The following COL19A1 variants were observed in gnomAD, a reference collection of about 807,000 sequenced individuals.
COL19A1 encodes the protein collagen type XIX alpha 1 chain.
COL19A1 carries 159 observed loss-of-function variants against 190.2 expected under a neutral mutation model. That is an observed-to-expected ratio of 0.84 (90% CI 0.73 to 0.95). COL19A1 has a LOEUF of 0.95. Among genes scored for constraint, COL19A1 ranks in the 40% least tolerant of loss-of-function variants. The pLI is 0.00. For synonymous variants in COL19A1, 509 were observed against 458.9 expected (o/e 1.11, Z -1.39); for missense variants, 1,418 against 1,431.9 (o/e 0.99, Z 0.16).
At chr6:70,177,103 T>G (rs1765862109) in intron 42 of COL19A1, among the ~76,000 whole-genome samples, 1 of 152,176 alleles carries the variant, frequency 6.6e-6, no homozygotes, top group African/African-American at 2.4e-5. Context: ...CATCAAGGCC[T>G]TTTCAAATGA....
chr6:70,103,664 C>T (rs1783775468), intron 16 of COL19A1, among the ~76,000 whole-genome samples: 2 of 152,170 alleles, frequency 1.3e-5, no homozygotes, highest in African/African-American at 2.4e-5. Flanking sequence ...ATATGCTTCT[C>T]TCTATCTTCA....
intron 44 of COL19A1, among the ~76,000 whole-genome samples, chr6:70,181,681 A>T (rs1766186789): frequency 6.6e-6 from 1 of 151,676 alleles, no homozygotes; most frequent in Admixed American, 6.6e-5. Context: ...ACACACACAC[A>T]GAGTTTCAAG....
intron 12 of COL19A1, among the ~76,000 whole-genome samples, chr6:70,029,770 T>C (rs1778934552): frequency 6.6e-6 from 1 of 152,334 alleles, no homozygotes; most frequent in Non-Finnish European, 1.5e-5. Context: ...CTCAATTGCA[T>C]TTTATCCTAT....
chr6:70,022,060 C>A (rs1458932172), intron 11 of COL19A1, among the ~76,000 whole-genome samples: 2 of 152,130 alleles, frequency 1.3e-5, no homozygotes, highest in Non-Finnish European at 2.9e-5. Flanking sequence ...TATCCTTAGG[C>A]AATTGAGAGT....
intron 12 of COL19A1, among the ~76,000 whole-genome samples, chr6:70,027,557 C>CTGTGTG (rs10585617): frequency 6.7e-5 from 10 of 150,354 alleles, no homozygotes; most frequent in South Asian, 2.1e-4. Flanking sequence ...TGTATCTTAA[C>CTGTGTG]TGTGTGTGTG....
intron 34 of COL19A1, among the ~76,000 whole-genome samples, chr6:70,161,388 G>C (rs958900726): frequency 2.0e-5 from 3 of 152,122 alleles, no homozygotes; most frequent in African/African-American, 2.4e-5. Context: ...TATAAAATAA[G>C]AAATGCTCTA....
intron 14 of COL19A1, among the ~76,000 whole-genome samples, chr6:70,056,073 T>C (rs1469266949): frequency 6.6e-6 from 1 of 152,124 alleles, no homozygotes; most frequent in Non-Finnish European, 1.5e-5. Context: ...CTACCTTTAT[T>C]TTTTTCTCTG....
chr6:70,172,281 G>A (rs1245231884), intron 41 of COL19A1, among the ~76,000 whole-genome samples: 17 of 152,164 alleles, frequency 1.1e-4, no homozygotes, highest in Non-Finnish European at 1.2e-4. Flanking sequence ...TGCTGACGGG[G>A]TAGGAGGGCA....
At chr6:69,881,128 T>A (rs1276656576) in intron 2 of COL19A1, among the ~76,000 whole-genome samples, 1 of 152,194 alleles carries the variant, frequency 6.6e-6, no homozygotes, top group East Asian at 1.9e-4. Context: ...CATATTCCCA[T>A]TTTGCAGGTC....
rs567947636 is a variant in COL19A1, at chr6:69,954,783, A to G, written c.937-5213A>G. 6.6e-5 allele frequency among the ~76,000 whole-genome samples: 10 copies of G among 152,144 alleles called. No individual in the cohort carries two copies. In the East Asian group the frequency reaches 1.9e-3, roughly 29 times the overall value. ...TTGTTAGGGTGTGTTCCTTCTCCAT[A>G]TCTTCATAACCATTTACTTCAGGGC... On this transcript the variant is annotated intron_variant, in intron 9 of 50. Transcript: ENST00000620364.
intron 16 of COL19A1, among the ~76,000 whole-genome samples, chr6:70,106,415 T>G (rs1303100885): frequency 6.6e-6 from 1 of 151,708 alleles, no homozygotes; most frequent in Non-Finnish European, 1.5e-5. Context: ...GAAAAAAGAT[T>G]TCTAATAATG....
At chr6:70,093,561 G>T (rs3806022) in intron 15 of COL19A1, among the ~76,000 whole-genome samples, 4 of 151,568 alleles carry the variant, frequency 2.6e-5, no homozygotes, top group African/African-American at 9.7e-5. Context: ...CAGAAATCAG[G>T]CAAGCAGAGG....
rs1445887650 is a variant in COL19A1 at position 70,184,922 on chromosome 6, A to G, written c.2856+7A>G. On this transcript the variant is annotated splice_region_variant and intron_variant, in intron 46 of 50. Coordinates refer to ENST00000620364, the MANE Select transcript of COL19A1 (RefSeq NM_001858.6). The stretch of plus-strand genomic sequence containing the variant: ...AGGCCCCAAAGGAGAACGTGTATGT[A>G]TATTACTATTGTGATTGTTATTCAA... The G allele has an allele frequency of 1.9e-6, 3 of 1,610,312 alleles. No individual in the cohort carries two copies. The highest frequency in any genetic ancestry group is 1.7e-5 in the Admixed American group (1 of 59,132).
intron 14 of COL19A1, 128 bp downstream of exon 14, chr6:70,036,067 A>G: frequency 1.2e-6 from 1 of 816,442 alleles, no homozygotes; most frequent in Admixed American, 2.3e-5. Context: ...GAGTACATGT[A>G]GTCAAACCTC....
intron 9 of COL19A1, among the ~76,000 whole-genome samples, chr6:69,945,520 AAT>A (rs1407150513): frequency 6.6e-6 from 1 of 152,168 alleles, no homozygotes; most frequent in Non-Finnish European, 1.5e-5. Flanking sequence ...AATTTTTAAA[AAT>A]AAGGATACCT....
intron 36 of COL19A1, among the ~76,000 whole-genome samples, chr6:70,165,089 C>T (rs1473898332): frequency 6.6e-6 from 1 of 152,074 alleles, no homozygotes; most frequent in Non-Finnish European, 1.5e-5. Flanking sequence ...CATGTCTTGC[C>T]ATTTCCCCTG....
At chr6:69,938,894 A>T (rs770348945) in intron 9 of COL19A1, among the ~76,000 whole-genome samples, 22 of 152,058 alleles carry the variant, frequency 1.4e-4, no homozygotes, top group African/African-American at 5.3e-4. Flanking sequence ...TTAGAAGTTG[A>T]TTCTGTTTTT....
At chr6:70,141,738 CAT>C (rs1371062822) in intron 20 of COL19A1, among the ~76,000 whole-genome samples, 153 bp from the exon 21 acceptor site, 6 of 152,028 alleles carry the variant, frequency 3.9e-5, no homozygotes, top group African/African-American at 1.4e-4. Context: ...TATTTTGAAT[CAT>C]GTTTTAGAAT....
intron 12 of COL19A1, among the ~76,000 whole-genome samples, chr6:70,033,978 C>A (rs1779209666): frequency 6.6e-6 from 1 of 152,070 alleles, no homozygotes; most frequent in African/African-American, 2.4e-5. Flanking sequence ...GATATTCTCC[C>A]AGATGGTGAA....
Sources: gnomAD v4.1 joint callset for allele counts (sites outside exome capture counted in the v4.1 genomes callset) on GRCh38, gnomAD v4.1.1 for gene constraint, MANE v1.5 for transcripts, NCBI Gene and HGNC (gene_info 2026-07-23, HGNC 2026-07-21) for gene names.